The following FHIT variants were observed in gnomAD, a reference collection of about 807,000 sequenced individuals.
FHIT encodes the protein fragile histidine triad diadenosine triphosphatase, also known as bis(5'-adenosyl)-triphosphatase.
A neutral mutation model predicts 17.9 loss-of-function variants in FHIT; 19 were observed. The ratio of observed to expected loss-of-function variants is 1.06; its 90% CI spans 0.74 to 1.56. The LOEUF (loss-of-function observed/expected upper bound fraction) is 1.56. Ranked by LOEUF, FHIT falls within the 40% of genes most tolerant of loss-of-function variation. The pLI, the probability that FHIT is intolerant of heterozygous loss-of-function variation, is 0.00. For missense variants in FHIT, 248 were observed against 189.2 expected, an observed-to-expected ratio of 1.31 and a Z score of -1.82; for synonymous variants, 81 against 69.7, an observed-to-expected ratio of 1.16 and a Z score of -0.81.
chr3:61,033,272 A>G (rs1559925982), intron 3 of FHIT, among the ~76,000 whole-genome samples: 1 of 152,146 alleles, frequency 6.6e-6, no homozygotes. Context: ...ACAGCCAGTT[A>G]TTTGTTTACA....
intron 2 of FHIT, among the ~76,000 whole-genome samples, chr3:61,047,853 A>C (rs75079331): frequency 0.7 from 90,062 of 127,780 alleles, 33,963 homozygotes; most frequent in East Asian, 0.99. Context: ...TTTGACAAAC[A>C]TGAAAAAACA....
chr3:60,254,688 A>T (rs1705896954), intron 5 of FHIT, among the ~76,000 whole-genome samples: 1 of 152,166 alleles, frequency 6.6e-6, no homozygotes, highest in Admixed American at 6.5e-5. Flanking sequence ...CTGGCCTTAC[A>T]GTTACTTCCC....
intron 7 of FHIT, among the ~76,000 whole-genome samples, chr3:59,981,604 C>A (rs1489151831): frequency 3.9e-5 from 6 of 152,150 alleles, no homozygotes; most frequent in Admixed American, 3.3e-4. Flanking sequence ...ATCCAGCCCA[C>A]ATTTCCTCAG....
intron 7 of FHIT, among the ~76,000 whole-genome samples, chr3:59,973,295 T>C (rs979806198): frequency 6.6e-6 from 1 of 152,090 alleles, no homozygotes; most frequent in African/African-American, 2.4e-5. Flanking sequence ...ATATTAAAAA[T>C]AGAGACTTGG....
intron 7 of FHIT, among the ~76,000 whole-genome samples, chr3:59,994,981 G>A (rs917771031): frequency 2.0e-5 from 3 of 151,954 alleles, no homozygotes; most frequent in Non-Finnish European, 4.4e-5. Context: ...GGTGGTGGTG[G>A]GGATTGTTGT....
chr3:60,538,960 G>C (rs908302348), intron 4 of FHIT, among the ~76,000 whole-genome samples: 2 of 151,948 alleles, frequency 1.3e-5, no homozygotes, highest in African/African-American at 4.8e-5. Context: ...TTAAACTAAA[G>C]AGCTTCTGCA....
intron 5 of FHIT, among the ~76,000 whole-genome samples, chr3:60,449,980 C>T (rs1462186741): frequency 2.4e-5 from 3 of 124,680 alleles, no homozygotes; most frequent in South Asian, 2.6e-4. Flanking sequence ...TCCAGCCTGG[C>T]GACAGAGCTA....
At chr3:60,116,273 T>C (rs929001931) in intron 5 of FHIT, among the ~76,000 whole-genome samples, 1 of 152,134 alleles carries the variant, frequency 6.6e-6, no homozygotes, top group Admixed American at 6.5e-5. Flanking sequence ...AGAATTATAT[T>C]GTAGTTGAAA....
At chr3:60,977,992 T>C (rs962839966) in intron 3 of FHIT, among the ~76,000 whole-genome samples, 1 of 152,234 alleles carries the variant, frequency 6.6e-6, no homozygotes, top group South Asian at 2.1e-4. Context: ...AATTTTATGC[T>C]CTTTCTTTCA....
In FHIT at chr3:60,390,306, G is replaced by C. The variant is rs1701168569; in HGVS notation, c.103+146554C>G. Among the ~76,000 whole-genome samples the C allele has an allele frequency of 1.4e-5, 2 of 145,078 alleles. 1 individual carries two copies. The highest frequency in any genetic ancestry group is 4.4e-4 in the South Asian group (2 of 4,510). ...AAAATTTTTAGTCCAATTTTCCCTAGAGAACTCTAACAATAGTCATGTACT... is the reference window on the plus strand; with the variant it reads ...AAAATTTTTAGTCCAATTTTCCCTACAGAACTCTAACAATAGTCATGTACT... On this transcript the variant is annotated intron_variant, in intron 5 of 9. Coordinates refer to ENST00000492590, the MANE Select transcript of FHIT (RefSeq NM_002012.4).
chr3:61,152,363 A>G (rs2037419220), intron 2 of FHIT, among the ~76,000 whole-genome samples: 1 of 152,244 alleles, frequency 6.6e-6, no homozygotes, highest in Non-Finnish European at 1.5e-5. Flanking sequence ...TTGCTGATAA[A>G]AAGGCTAACT....
intron 4 of FHIT, among the ~76,000 whole-genome samples, chr3:60,626,110 C>T (rs1191020212): frequency 6.6e-6 from 1 of 152,140 alleles, no homozygotes; most frequent in African/African-American, 2.4e-5. Flanking sequence ...GTCAGCACTA[C>T]ACTCTCTTGA....
intron 4 of FHIT, among the ~76,000 whole-genome samples, chr3:60,568,187 G>A (rs574698156): frequency 6.6e-6 from 1 of 152,214 alleles, no homozygotes; most frequent in African/African-American, 2.4e-5. Context: ...ACTCACAATA[G>A]CAAAGACTTG....
At chr3:60,212,284 T>C (rs1703489354) in intron 5 of FHIT, among the ~76,000 whole-genome samples, 1 of 152,142 alleles carries the variant, frequency 6.6e-6, no homozygotes, top group Non-Finnish European at 1.5e-5. Context: ...AAAATAAGCC[T>C]CTGAGGCACT....
Position 60,401,238 on chromosome 3 carries a change from C to G in FHIT, c.103+135622G>C, listed in dbSNP as rs374719013. On this transcript the variant is annotated intron_variant, in intron 5 of 9. Transcript: ENST00000492590. ...CTTTGAAGTGAAATCCAAGTTTCAC[C>G]TCCATATACATGTGATCTCCAAAGT... Among the ~76,000 whole-genome samples the G allele has an allele frequency of 4.6e-5, 7 of 152,260 alleles. No individual in the cohort carries two copies. The South Asian group carries it at 1.5e-3, about 32-fold the overall frequency.
intron 4 of FHIT, among the ~76,000 whole-genome samples, chr3:60,677,339 G>T (rs1553695627): frequency 6.6e-6 from 1 of 152,126 alleles, no homozygotes; most frequent in African/African-American, 2.4e-5. Flanking sequence ...AGTCTCCAGT[G>T]ACTATTATTC....
At chr3:59,801,401 C>A (rs1244330938) in intron 8 of FHIT, among the ~76,000 whole-genome samples, 1 of 151,740 alleles carries the variant, frequency 6.6e-6, no homozygotes, top group Non-Finnish European at 1.5e-5. Context: ...AAATAAAAGA[C>A]TGGATGCCAA....
At chr3:60,068,299 G>A (rs1275284536) in intron 5 of FHIT, among the ~76,000 whole-genome samples, 1 of 152,158 alleles carries the variant, frequency 6.6e-6, no homozygotes, top group Non-Finnish European at 1.5e-5. Flanking sequence ...CTATTTCCAA[G>A]CTGAAAATGT....
At chr3:60,287,132 C>T (rs918438424) in intron 5 of FHIT, among the ~76,000 whole-genome samples, 1 of 152,130 alleles carries the variant, frequency 6.6e-6, no homozygotes, top group Non-Finnish European at 1.5e-5. Flanking sequence ...ATATCATCTC[C>T]CTACCTATCT....
Sources: gnomAD v4.1 joint callset for allele counts (sites outside exome capture counted in the v4.1 genomes callset) on GRCh38, gnomAD v4.1.1 for gene constraint, MANE v1.5 for transcripts, NCBI Gene and HGNC (gene_info 2026-07-23, HGNC 2026-07-21) for gene names.